Variants in DPP10 observed in about 807,000 individuals in gnomAD.
The protein encoded by DPP10 is inactive dipeptidyl peptidase 10.
Under a neutral mutation model 120.9 loss-of-function variants are expected in DPP10, and 33 were observed. The ratio of observed to expected loss-of-function variants is 0.27; its 90% confidence interval spans 0.21 to 0.37. DPP10 has a LOEUF of 0.37. Among genes scored for constraint, DPP10 ranks in the 10% least tolerant of loss-of-function variants. The pLI is 1.00. For synonymous variants in DPP10, 337 were observed against 326.1 expected (o/e 1.03, Z -0.36); for missense variants, 816 against 942.8 (o/e 0.87, Z 1.76).
intron 1 of DPP10, among the ~76,000 whole-genome samples, chr2:114,443,335 G>T (rs1677763019): frequency 6.6e-6 from 1 of 152,090 alleles, no homozygotes; most frequent in South Asian, 2.1e-4. Context: ...GAGGATGAAA[G>T]ACTAGAGAGA....
At chr2:114,629,940 G>A (rs1573833340) in intron 1 of DPP10, among the ~76,000 whole-genome samples, 1 of 152,150 alleles carries the variant, frequency 6.6e-6, no homozygotes, top group African/African-American at 2.4e-5. Flanking sequence ...TGATACAGAT[G>A]CAAGTGTATC....
intron 19 of DPP10, among the ~76,000 whole-genome samples, chr2:115,809,718 C>A (rs1686410937): frequency 6.6e-6 from 1 of 152,192 alleles, no homozygotes; most frequent in South Asian, 2.1e-4. Flanking sequence ...CTCTCTATGT[C>A]CCCTCTTTCC....
chr2:115,833,414 G>GC (rs1689128393), intron 21 of DPP10, among the ~76,000 whole-genome samples: 1 of 152,116 alleles, frequency 6.6e-6, no homozygotes, highest in Non-Finnish European at 1.5e-5. Flanking sequence ...TCTCTTGGCT[G>GC]CAACACCCTT....
chr2:115,106,643 C>A (rs2104652928), intron 1 of DPP10, among the ~76,000 whole-genome samples: 1 of 146,962 alleles, frequency 6.8e-6, no homozygotes, highest in Middle Eastern at 3.5e-3. Flanking sequence ...ATTTTTTTTT[C>A]TTGAGACAAG....
chr2:115,555,039 A>G (rs2080120681), intron 5 of DPP10, among the ~76,000 whole-genome samples: 1 of 152,070 alleles, frequency 6.6e-6, no homozygotes, highest in Non-Finnish European at 1.5e-5. Flanking sequence ...CTAGGTTTTC[A>G]CACCTCTAAA....
At chr2:114,705,181 G>T (rs1700614228) in intron 1 of DPP10, among the ~76,000 whole-genome samples, 1 of 152,126 alleles carries the variant, frequency 6.6e-6, no homozygotes, top group South Asian at 2.1e-4. Flanking sequence ...CATTGAGCTG[G>T]ACCTCTTCAT....
At chr2:115,044,622 G>A (rs1301778812) in intron 1 of DPP10, among the ~76,000 whole-genome samples, 1 of 151,942 alleles carries the variant, frequency 6.6e-6, no homozygotes, top group African/African-American at 2.4e-5. Context: ...CAGCATTGGG[G>A]ATTACATTTC....
At chr2:114,781,300 G>T (rs967074933) in intron 1 of DPP10, among the ~76,000 whole-genome samples, 1 of 152,114 alleles carries the variant, frequency 6.6e-6, no homozygotes, top group African/African-American at 2.4e-5. Flanking sequence ...AGTTGGAAAA[G>T]CTCATAGAGG....
At chr2:115,632,573 A>G (rs1047241828) in intron 5 of DPP10, among the ~76,000 whole-genome samples, 1 of 152,178 alleles carries the variant, frequency 6.6e-6, no homozygotes, top group African/African-American at 2.4e-5. Flanking sequence ...TTTTCTGAAA[A>G]AGATGTTATT....
intron 7 of DPP10, among the ~76,000 whole-genome samples, chr2:115,696,457 TA>T (rs1219295486): frequency 6.6e-6 from 1 of 152,134 alleles, no homozygotes; most frequent in African/African-American, 2.4e-5. Flanking sequence ...TTCAAAATTC[TA>T]AAAGAAAAAC....
chr2:115,350,346 T>G (rs1303069991), intron 3 of DPP10, among the ~76,000 whole-genome samples: 1 of 152,086 alleles, frequency 6.6e-6, no homozygotes, highest in African/African-American at 2.4e-5. Flanking sequence ...ATTAAATAAT[T>G]TTCTGTTAGA....
intron 3 of DPP10, among the ~76,000 whole-genome samples, chr2:115,429,573 T>C (rs1051207603): frequency 6.6e-6 from 1 of 152,210 alleles, no homozygotes; most frequent in African/African-American, 2.4e-5. Flanking sequence ...CTAGACACAA[T>C]ACCCACAGTG....
chr2:114,729,808 G>A (rs748423654), intron 1 of DPP10, among the ~76,000 whole-genome samples: 59 of 152,298 alleles, frequency 3.9e-4, no homozygotes, highest in Middle Eastern at 6.8e-3. Context: ...GACTAACTTC[G>A]TGGTCCTATT....
chr2:114,741,803 C>T (rs1372639156), intron 1 of DPP10, among the ~76,000 whole-genome samples: 1 of 152,060 alleles, frequency 6.6e-6, no homozygotes, highest in Non-Finnish European at 1.5e-5. Flanking sequence ...CCACGGGGTG[C>T]CCAGGACCAC....
intron 1 of DPP10, among the ~76,000 whole-genome samples, chr2:114,630,076 T>A (rs568584786): frequency 1.3e-5 from 2 of 152,146 alleles, no homozygotes; most frequent in Non-Finnish European, 2.9e-5. Flanking sequence ...TTGATAAAAT[T>A]TGGACGATTA....
intron 5 of DPP10, among the ~76,000 whole-genome samples, chr2:115,547,442 G>C (rs563672420): frequency 1.5e-3 from 223 of 152,258 alleles, no homozygotes; most frequent in African/African-American, 5.2e-3. Flanking sequence ...CAATTTTAAA[G>C]TTTGTTTCAT....
intron 13 of DPP10, among the ~76,000 whole-genome samples, chr2:115,775,413 T>G (rs34033379): frequency 6.6e-6 from 1 of 151,830 alleles, no homozygotes; most frequent in Non-Finnish European, 1.5e-5. Flanking sequence ...TTTAAAAATA[T>G]TAAAAGAATA....
chr2:115,148,847 A>G (rs2051376387), intron 1 of DPP10, among the ~76,000 whole-genome samples: 1 of 152,162 alleles, frequency 6.6e-6, no homozygotes, highest in South Asian at 2.1e-4. Flanking sequence ...TGTCTCCAAA[A>G]ATAACCACCC....
chr2:114,988,682 T>G (rs1313302370), intron 1 of DPP10, among the ~76,000 whole-genome samples: 1 of 152,232 alleles, frequency 6.6e-6, no homozygotes, highest in Non-Finnish European at 1.5e-5. Context: ...ATCCATCAGC[T>G]TCAATCTAGC....
Sources: gnomAD v4.1 joint callset for allele counts (sites outside exome capture counted in the v4.1 genomes callset) on GRCh38, gnomAD v4.1.1 for gene constraint, MANE v1.5 for transcripts, NCBI Gene and HGNC (gene_info 2026-07-23, HGNC 2026-07-21) for gene names.